Variants in SBF2 observed in about 807,000 individuals in gnomAD.
SBF2 encodes SET binding factor 2, also known as myotubularin-related protein 13.
In SBF2, 112 loss-of-function variants were observed where a neutral mutation model predicts 225.2. That is an observed-to-expected ratio of 0.50 (90% CI 0.43 to 0.58). The LOEUF is 0.58. Ranked by LOEUF, SBF2 falls within the 20% of genes least tolerant of loss-of-function variation. SBF2 has a pLI of 0.00. For missense variants in SBF2, 1,996 were observed against 2,206.2 expected (o/e 0.90, Z 1.91); for synonymous variants, 763 against 773.3 (o/e 0.99, Z 0.22).
chr11:9,797,049 G>GT (rs1437768030), intron 32 of SBF2, among the ~76,000 whole-genome samples: 1 of 152,212 alleles, frequency 6.6e-6, no homozygotes, highest in Non-Finnish European at 1.5e-5. Flanking sequence ...TTTGGCTGAA[G>GT]TAAGTTCCAA....
intron 8 of SBF2, among the ~76,000 whole-genome samples, chr11:10,000,074 C>G (rs1353428636): frequency 6.6e-6 from 1 of 152,206 alleles, no homozygotes; most frequent in Non-Finnish European, 1.5e-5. Context: ...CTCCTCATCT[C>G]ACATAAGGAA....
intron 2 of SBF2, among the ~76,000 whole-genome samples, chr11:10,165,853 T>C (rs1955927824): frequency 6.6e-6 from 1 of 152,230 alleles, no homozygotes; most frequent in Non-Finnish European, 1.5e-5. Context: ...AATACAAATT[T>C]AGCAAATAGG....
chr11:10,299,751 C>G (rs949532802), intron 1 of SBF2, among the ~76,000 whole-genome samples: 1 of 152,166 alleles, frequency 6.6e-6, no homozygotes, highest in African/African-American at 2.4e-5. Flanking sequence ...GGGGACTAGA[C>G]TCTCTGCAGT....
intron 2 of SBF2, among the ~76,000 whole-genome samples, chr11:10,063,571 A>G (rs1950523405): frequency 6.6e-6 from 1 of 151,470 alleles, no homozygotes; most frequent in Admixed American, 6.6e-5. Context: ...GTTAGCCAGG[A>G]TGGTCTCGAT....
chr11:10,296,466 TCAC>T (rs1194503334), upstream of SBF2, among the ~76,000 whole-genome samples: 3 of 152,106 alleles, frequency 2.0e-5, no homozygotes, highest in Non-Finnish European at 4.4e-5. Flanking sequence ...TTATTCACTA[TCAC>T]CACAACAGCA....
At chr11:9,834,428 C>G (rs887637723) in intron 26 of SBF2, among the ~76,000 whole-genome samples, 2 of 152,206 alleles carry the variant, frequency 1.3e-5, no homozygotes, top group African/African-American at 2.4e-5. Context: ...TGTTATGCAA[C>G]TACCACCACT....
intron 16 of SBF2, among the ~76,000 whole-genome samples, chr11:9,925,441 C>T (rs1343742769): frequency 1.3e-5 from 2 of 152,160 alleles, no homozygotes; most frequent in Non-Finnish European, 2.9e-5. Context: ...CCACGCCCGA[C>T]TAATTTTGAA....
At position 9,795,938 on chromosome 11, in the gene SBF2, G is replaced by A; in HGVS notation, c.4463C>T (p.Thr1488Ile). The A allele has an allele frequency of 6.2e-7, 1 of 1,613,374 alleles. No individual in the cohort carries two copies. The highest frequency in any genetic ancestry group is 8.5e-7 in the Non-Finnish European group (1 of 1,179,874). The change falls in exon 33 of 40, where the codon ACT becomes ATT. Residue 1488 changes from threonine to isoleucine, a missense_variant. Physicochemically the swap from Thr to Ile is moderately conservative, Grantham distance 89. Transcript: ENST00000256190. ...GTAATAGAGATTGAATTCAAACTCA[G>A]TTGGATACTGGTTGTGAACCTGAAA... is the stretch of plus-strand genomic sequence containing the variant. ...CVHQVHNQYP[T>I]EFEFNLYYLK...
chr11:10,033,159 T>C (rs1949321771), intron 3 of SBF2, among the ~76,000 whole-genome samples: 2 of 152,204 alleles, frequency 1.3e-5, no homozygotes, highest in African/African-American at 2.4e-5. Context: ...TCACCAAAGA[T>C]TTCCACACTT....
At chr11:9,813,452 C>T (rs368420778) in intron 29 of SBF2, among the ~76,000 whole-genome samples, 4 of 152,036 alleles carry the variant, frequency 2.6e-5, no homozygotes, top group African/African-American at 9.7e-5. Flanking sequence ...CTCAGCCTCC[C>T]GAGTAGCTGG....
At chr11:10,053,715 A>G (rs1277793069) in intron 2 of SBF2, among the ~76,000 whole-genome samples, 1 of 151,698 alleles carries the variant, frequency 6.6e-6, no homozygotes, top group Non-Finnish European at 1.5e-5. Flanking sequence ...AGATCGCACC[A>G]CCACACTTCA....
chr11:10,218,176 A>T (rs1988724), intron 1 of SBF2, among the ~76,000 whole-genome samples: 6 of 151,900 alleles, frequency 3.9e-5, no homozygotes, highest in South Asian at 2.1e-4. Context: ...CTGAGATTAC[A>T]GGTGTGAGCC....
chr11:10,032,892 C>T (rs890494262), intron 3 of SBF2, among the ~76,000 whole-genome samples: 11 of 152,118 alleles, frequency 7.2e-5, no homozygotes, highest in African/African-American at 2.7e-4. Flanking sequence ...GTCTTTTCCC[C>T]CCTATTCATA....
At chr11:9,978,637 T>TTTTG (rs752837389) in intron 13 of SBF2, among the ~76,000 whole-genome samples, 5 of 94,054 alleles carry the variant, frequency 5.3e-5, no homozygotes, top group Non-Finnish European at 1.1e-4. Flanking sequence ...GTTTGATTGT[T>TTTTG]TTTGTTTGTT....
At chr11:10,023,389 T>C (rs183627825) in intron 6 of SBF2, among the ~76,000 whole-genome samples, 1 of 152,324 alleles carries the variant, frequency 6.6e-6, no homozygotes, top group African/African-American at 2.4e-5. Flanking sequence ...TTAATTCTCA[T>C]ACCATAAATT....
intron 33 of SBF2, among the ~76,000 whole-genome samples, chr11:9,794,851 G>C (rs532159508): frequency 6.6e-6 from 1 of 152,080 alleles, no homozygotes; most frequent in South Asian, 2.1e-4. Context: ...AGTATAAACA[G>C]GGTGGAAAAT....
In SBF2 at chr11:10,205,768, G is replaced by T. The variant is rs537071829; in HGVS notation, c.56-11781C>A. Among the ~76,000 whole-genome samples the T allele has an allele frequency of 3.3e-5, 5 of 152,092 alleles. No homozygotes were observed. In the South Asian group the frequency reaches 1.0e-3, roughly 32 times the overall value. ...GTGAGTAGGCATCACCAGCAAGAGA[G>T]ACCCCATCACAATAAGCAGGATGGC... On this transcript the variant is annotated intron_variant, in intron 1 of 39. Transcript: ENST00000256190.
intron 2 of SBF2, among the ~76,000 whole-genome samples, chr11:10,167,517 C>T (rs915152217): frequency 4.0e-5 from 6 of 151,682 alleles, no homozygotes; most frequent in Admixed American, 3.9e-4. Flanking sequence ...TGCAGTGAGC[C>T]CTGACCACAG....
chr11:10,179,124 C>T, intron 2 of SBF2, among the ~76,000 whole-genome samples: 1 of 149,710 alleles, frequency 6.7e-6, no homozygotes, highest in Non-Finnish European at 1.5e-5. Flanking sequence ...TATTCTCACT[C>T]ATAGGTGGGA....
Sources: allele counts gnomAD v4.1 joint callset (sites outside exome capture counted in the v4.1 genomes callset), GRCh38; gene constraint gnomAD v4.1.1; transcripts MANE v1.5; gene names NCBI Gene and HGNC (gene_info 2026-07-23, HGNC 2026-07-21).